Variants in COMT observed in about 807,000 individuals in gnomAD.
COMT encodes catechol O-methyltransferase.
In COMT, 13 loss-of-function variants were observed where a neutral mutation model predicts 18.9. The ratio of observed to expected loss-of-function variants is 0.69; its 90% CI spans 0.45 to 1.09. COMT has a LOEUF of 1.09. Ranked by LOEUF, COMT falls within the 50% of genes least tolerant of loss-of-function variation. The probability of loss-of-function intolerance (pLI) is 0.00; values close to 1 mark genes in which losing one functional copy is unlikely to be tolerated. For synonymous variants in COMT, 150 were observed against 160.9 expected (o/e 0.93, Z 0.51); for missense variants, 329 against 361.8 (o/e 0.91, Z 0.73).
At chr22:19,962,074 A>G (rs181168584) in intron 2 of COMT, among the ~76,000 whole-genome samples, 3 of 152,246 alleles carry the variant, frequency 2.0e-5, no homozygotes, top group African/African-American at 7.2e-5. Context: ...GGCTCACCAC[A>G]TGAGGCCAAG....
intron 1 of COMT, chr22:19,951,586 A>G (rs1423021632): frequency 6.6e-6 from 1 of 152,178 alleles, no homozygotes; most frequent in Non-Finnish European, 1.5e-5. Flanking sequence ...GGTTGATCGG[A>G]TGGTGGTTCC....
At chr22:19,967,432 T>TA in intron 5 of COMT, 1 of 469,838 alleles carries the variant, frequency 2.1e-6, no homozygotes, top group Non-Finnish European at 4.4e-6. Context: ...TCATGATTCA[T>TA]GGTGGTACTT....
At chr22:19,949,726 G>A (rs1159634316) in intron 1 of COMT, among the ~76,000 whole-genome samples, 1 of 151,898 alleles carries the variant, frequency 6.6e-6, no homozygotes, top group Non-Finnish European at 1.5e-5. Flanking sequence ...GCCCCCTAAA[G>A]CACTGAGATT....
At chr22:19,942,609 C>G (rs1382512244) in intron 1 of COMT, among the ~76,000 whole-genome samples, 1 of 152,144 alleles carries the variant, frequency 6.6e-6, no homozygotes, top group African/African-American at 2.4e-5. Flanking sequence ...TTTTTGTGTC[C>G]TGTTGCTTTT....
Position 19,968,522 on chromosome 22 carries a change from C to A in COMT, c.616-14C>A. 10 of 1,612,606 alleles carry A rather than the reference C, an allele frequency of 6.2e-6. No individual in the cohort carries two copies. Among genetic ancestry groups the A allele is most frequent in the Non-Finnish European group, 8.5e-6 (10 of 1,179,448 alleles). On this transcript the variant is annotated splice_polypyrimidine_tract_variant and intron_variant, in intron 5 of 5. Transcript: ENST00000361682. ...TCTGACCCTCACCTCCCCCACCCCCCGGTCTGTTTGCAGGAATGTGGCCTG... is the reference window on the plus strand; with the variant it reads ...TCTGACCCTCACCTCCCCCACCCCCAGGTCTGTTTGCAGGAATGTGGCCTG...
rs1942185282 is a variant in COMT at position 19,961,237 on chromosome 22, C to G, written c.-53C>G. ...TTTGCTGCCGAGCTCAGAGGAGACC[C>G]CAGACCCCTCCCGCAGCCAGAGGGC... On this transcript the variant is annotated 5_prime_UTR_variant, in exon 2 of 6. Transcript: ENST00000361682. 1 of 152,344 alleles carries G rather than the reference C, an allele frequency of 6.6e-6. No homozygotes were observed. The highest frequency in any genetic ancestry group is 6.5e-5 in the Admixed American group (1 of 15,286). The allele number at this position is 152,344 out of a possible 1,614,324, so 9.4% of individuals were successfully genotyped here.
chr22:19,949,019 G>A (rs1271248143), intron 1 of COMT, among the ~76,000 whole-genome samples: 6 of 149,186 alleles, frequency 4.0e-5, no homozygotes, highest in Non-Finnish European at 8.9e-5. Flanking sequence ...CAATGATTAT[G>A]AGGTCAATTC....
In COMT at chr22:19,952,070, C is replaced by T. The variant is rs529833366; in HGVS notation, c.-91-9129C>T. 2.0e-5 allele frequency among the ~76,000 whole-genome samples: 3 copies of T among 152,230 alleles called. No individual in the cohort carries two copies. In the East Asian group the frequency reaches 5.8e-4, roughly 29 times the overall value. ...ATCCCAGCACTTTGGGAGGCTGAGG[C>T]TGGAGAATCACTTGAGGCCAGGAGT... On this transcript the variant is annotated intron_variant, in intron 1 of 5. Coordinates refer to ENST00000361682, the MANE Select transcript of COMT (RefSeq NM_000754.4).
intron 1 of COMT, among the ~76,000 whole-genome samples, chr22:19,958,115 T>G (rs1230570805): frequency 3.3e-5 from 5 of 152,030 alleles, no homozygotes; most frequent in Non-Finnish European, 1.5e-5. Flanking sequence ...ATTTTTAATT[T>G]TTGTGGGTTT....
Position 19,969,083 on chromosome 22 carries a change from G to A in COMT, c.*347G>A, listed in dbSNP as rs1051190392. 12 of 241,572 alleles carry A rather than the reference G, an allele frequency of 5.0e-5. No homozygotes were observed. The highest frequency in any genetic ancestry group is 1.0e-4 in the Non-Finnish European group (12 of 120,256). The allele number at this position is 241,572 out of a possible 1,614,324, so 15.0% of individuals were successfully genotyped here. A position where few individuals can be genotyped will look rare whatever the true frequency, so the allele number is the denominator to read the frequency against. On this transcript the variant is annotated 3_prime_UTR_variant, in exon 6 of 6. Coordinates refer to ENST00000361682, the MANE Select transcript of COMT (RefSeq NM_000754.4). ...CATTCCCCTGCTGCCCTTGACTTGG[G>A]CACCAAACATTCAAAGCTCCCCTTG...
chr22:19,967,816 G>C, intron 5 of COMT: 1 of 223,584 alleles, frequency 4.5e-6, no homozygotes, highest in Non-Finnish European at 9.0e-6. Flanking sequence ...AAGGTTTCTT[G>C]TTTATGTGAT....
intron 1 of COMT, among the ~76,000 whole-genome samples, chr22:19,960,455 TC>T (rs1942168631): frequency 6.6e-6 from 1 of 152,124 alleles, no homozygotes; most frequent in Admixed American, 6.5e-5. Context: ...CCACCATGGT[TC>T]CCCCTGTCAT....
chr22:19,955,731 A>C (rs9332351), intron 1 of COMT, among the ~76,000 whole-genome samples: 1 of 152,118 alleles, frequency 6.6e-6, no homozygotes, highest in East Asian at 1.9e-4. Flanking sequence ...TCCAAGCCAC[A>C]GTGGCTCTCA....
At chr22:19,957,110 C>A (rs1942081384) in intron 1 of COMT, among the ~76,000 whole-genome samples, 1 of 152,044 alleles carries the variant, frequency 6.6e-6, no homozygotes, top group Non-Finnish European at 1.5e-5. Flanking sequence ...GCCACCACAC[C>A]CGGCCAATTT....
chr22:19,947,742 CA>C (rs1941862915), intron 1 of COMT, among the ~76,000 whole-genome samples: 2 of 152,324 alleles, frequency 1.3e-5, no homozygotes, highest in African/African-American at 4.8e-5. Flanking sequence ...TAACTGTGGG[CA>C]AACCTGACAC....
chr22:19,952,617 A>C (rs1380328352), intron 1 of COMT, among the ~76,000 whole-genome samples: 2 of 131,626 alleles, frequency 1.5e-5, no homozygotes, highest in Admixed American at 7.6e-5. Context: ...CTAGCCTGGG[A>C]GACAGAGCAA....
intron 1 of COMT, among the ~76,000 whole-genome samples, chr22:19,948,817 T>C (rs5993881): frequency 0.25 from 37,933 of 151,766 alleles, 5,006 homozygotes; most frequent in African/African-American, 0.32. Context: ...TAGCTGGGCG[T>C]GGTGCCATGT....
At chr22:19,941,960 T>C (rs1212635320) in intron 1 of COMT, 63 bp downstream of exon 1, 1 of 650,486 alleles carries the variant, frequency 1.5e-6, no homozygotes, top group Non-Finnish European at 2.3e-6. Flanking sequence ...CCTTCAGACC[T>C]AGGGTGGAAC....
intron 5 of COMT, chr22:19,964,951 G>C (rs954988964): frequency 5.5e-6 from 1 of 182,112 alleles, no homozygotes; most frequent in African/African-American, 2.3e-5. Context: ...CCTCCACTGG[G>C]CTTGGGACAC....
Sources: gnomAD v4.1 joint callset for allele counts (sites outside exome capture counted in the v4.1 genomes callset) on GRCh38, gnomAD v4.1.1 for gene constraint, MANE v1.5 for transcripts, NCBI Gene and HGNC (gene_info 2026-07-23, HGNC 2026-07-21) for gene names.